The following LRRC4C variants were observed in gnomAD, a reference collection of about 807,000 sequenced individuals.
The protein encoded by LRRC4C is leucine-rich repeat-containing protein 4C.
A neutral mutation model predicts 33.6 loss-of-function variants in LRRC4C; 5 were observed. The observed-to-expected ratio is 0.15, with a 90% confidence interval of 0.08 to 0.31. The LOEUF (loss-of-function observed/expected upper bound fraction) is 0.31, where lower values mean the gene tolerates loss of function less well. Among genes scored for constraint, LRRC4C ranks in the 10% least tolerant of loss-of-function variants. The probability of loss-of-function intolerance (pLI) is 1.00; values close to 1 mark genes in which losing one functional copy is unlikely to be tolerated. For synonymous variants in LRRC4C, 329 were observed against 302.0 expected (o/e 1.09, Z -0.93); for missense variants, 560 against 796.7 (o/e 0.70, Z 3.58).
chr11:40,116,271 G>T lies in LRRC4C; in HGVS notation c.22C>A (p.His8Asn). 6.2e-7 allele frequency: 1 copy of T among 1,600,434 alleles called. No homozygotes were observed. Among genetic ancestry groups the T allele is most frequent in the Non-Finnish European group, 8.5e-7 (1 of 1,169,796 alleles). Residue 8 changes from histidine to asparagine, a missense_variant, in exon 7 of 7, where the codon CAT becomes AAT. Physicochemically the swap from His to Asn is moderately conservative, Grantham distance 68. Around this residue, in one of 3 missense-constraint regions of LRRC4C, gnomAD observed 455 missense variants for 643.8 expected, o/e 0.71. Coordinates refer to ENST00000528697, the MANE Select transcript of LRRC4C (RefSeq NM_001258419.2). MLNKMTLHPQQIMIGPRF... is the reference protein window; with the variant it reads MLNKMTLNPQQIMIGPRF... ...GGACCTATCATTATCTGCTGTGGAT[G>T]TAAGGTCATCTTGTTCAACATTCAT...
intron 3 of LRRC4C, among the ~76,000 whole-genome samples, chr11:40,349,800 G>A (rs922392612): frequency 5.3e-5 from 8 of 151,994 alleles, no homozygotes; most frequent in East Asian, 1.9e-4. Flanking sequence ...TTGTAATTTC[G>A]ATTTGCATTT....
At position 40,115,729 on chromosome 11, in the gene LRRC4C, G is replaced by T. The variant is rs762959553; in HGVS notation, c.564C>A (p.Ile188=). 1 of 1,614,144 alleles carries T rather than the reference G, an allele frequency of 6.2e-7. No individual in the cohort carries two copies. Among genetic ancestry groups the T allele is most frequent in the Non-Finnish European group, 8.5e-7 (1 of 1,180,022 alleles). ...ACAGACCTTCAAAGGCACCTTCTGA[G>T]ATGTATGAAAGTCTTTTCAATTCCC... ...DLGELKRLSY[I]SEGAFEGLSN... Residue 188 remains isoleucine, a synonymous_variant, in exon 7 of 7, where the codon ATC becomes ATA. Coordinates refer to ENST00000528697, the MANE Select transcript of LRRC4C (RefSeq NM_001258419.2). This position sits in a 1 kb window ranked among gnomAD's most constrained non-coding sequence, Gnocchi z 6.7.
intron 2 of LRRC4C, among the ~76,000 whole-genome samples, chr11:40,745,717 A>G (rs890350144): frequency 1.3e-5 from 2 of 152,182 alleles, no homozygotes; most frequent in Non-Finnish European, 2.9e-5. Context: ...TTTATTATAT[A>G]TAATTTGGCT....
At chr11:40,972,980 C>T (rs931251367) in intron 1 of LRRC4C, among the ~76,000 whole-genome samples, 27 of 152,152 alleles carry the variant, frequency 1.8e-4, no homozygotes, top group Non-Finnish European at 2.5e-4. Flanking sequence ...CCCCTTGGTG[C>T]TATCATTGCC....
chr11:40,175,749 C>A (rs1776300926), intron 5 of LRRC4C, among the ~76,000 whole-genome samples: 1 of 152,176 alleles, frequency 6.6e-6, no homozygotes, highest in Admixed American at 6.5e-5. Context: ...CCTATTGATC[C>A]ACAGTCTGCA....
chr11:40,304,997 C>T (rs1458137477), intron 4 of LRRC4C, among the ~76,000 whole-genome samples: 1 of 152,156 alleles, frequency 6.6e-6, no homozygotes, highest in Non-Finnish European at 1.5e-5. Flanking sequence ...AATCTCTTGA[C>T]CTCGTGATCT....
In LRRC4C at chr11:40,662,995, T is replaced by C. The variant is rs147707464; in HGVS notation, c.-406-14717A>G. On this transcript the variant is annotated intron_variant, in intron 2 of 6. Transcript: ENST00000528697. ...TGAAATAATTTCATAAGTTAAATTA[T>C]ATCTCCTAGAAATAGAAAATCAATA... Among the ~76,000 whole-genome samples the C allele has an allele frequency of 8.5e-5, 13 of 152,372 alleles. No homozygotes were observed. The East Asian group carries it at 1.5e-3, about 18-fold the overall frequency.
chr11:40,617,011 C>G (rs562569359), intron 3 of LRRC4C, among the ~76,000 whole-genome samples: 2 of 151,630 alleles, frequency 1.3e-5, no homozygotes, highest in South Asian at 4.1e-4. Context: ...AATTACATGA[C>G]AGATAGCCAC....
chr11:40,669,934 A>C (rs1944003804), intron 2 of LRRC4C, among the ~76,000 whole-genome samples: 1 of 152,228 alleles, frequency 6.6e-6, no homozygotes, highest in Non-Finnish European at 1.5e-5. Flanking sequence ...AAAATATACT[A>C]TACTATAATG....
chr11:40,644,895 C>A (rs1182992939), intron 3 of LRRC4C, among the ~76,000 whole-genome samples: 1 of 150,438 alleles, frequency 6.6e-6, no homozygotes, highest in African/African-American at 2.4e-5. Flanking sequence ...TGTAGTTTTG[C>A]AAGATATTGT....
chr11:41,366,265 C>T (rs924853481), intron 1 of LRRC4C, among the ~76,000 whole-genome samples: 11 of 151,870 alleles, frequency 7.2e-5, no homozygotes, highest in African/African-American at 2.4e-4. Context: ...CTAATTTAGG[C>T]TACCACATCA....
intron 1 of LRRC4C, among the ~76,000 whole-genome samples, chr11:41,226,880 T>G (rs1947565225): frequency 1.3e-5 from 2 of 152,038 alleles, no homozygotes; most frequent in Non-Finnish European, 2.9e-5. Context: ...CTGTTTTCTC[T>G]TATCCATCTA....
chr11:41,406,561 C>G (rs1015737366), intron 1 of LRRC4C, among the ~76,000 whole-genome samples: 2 of 152,054 alleles, frequency 1.3e-5, no homozygotes, highest in Non-Finnish European at 2.9e-5. Flanking sequence ...TCTCATCACT[C>G]TGCACAGTAC....
intron 1 of LRRC4C, among the ~76,000 whole-genome samples, chr11:41,389,824 T>C (rs1050385450): frequency 1.3e-5 from 2 of 151,884 alleles, no homozygotes; most frequent in East Asian, 2.0e-4. Context: ...ACAATTACCA[T>C]TGAACGATGC....
intron 1 of LRRC4C, among the ~76,000 whole-genome samples, chr11:41,262,090 G>T (rs1447922281): frequency 1.3e-5 from 2 of 151,924 alleles, no homozygotes; most frequent in East Asian, 3.9e-4. Flanking sequence ...GGAAATGATA[G>T]GATCAGGAAC....
At chr11:41,234,747 A>G (rs1340784410) in intron 1 of LRRC4C, among the ~76,000 whole-genome samples, 2 of 151,992 alleles carry the variant, frequency 1.3e-5, no homozygotes, top group African/African-American at 4.8e-5. Flanking sequence ...TTCTCCAAAA[A>G]CTCAGTGAGG....
chr11:40,489,285 C>A (rs1954025570), intron 3 of LRRC4C, among the ~76,000 whole-genome samples: 1 of 152,064 alleles, frequency 6.6e-6, no homozygotes, highest in Non-Finnish European at 1.5e-5. Flanking sequence ...TTATGTAAGT[C>A]ACTCTCTGCC....
At chr11:41,183,602 C>T (rs986905783) in intron 1 of LRRC4C, among the ~76,000 whole-genome samples, 9 of 152,120 alleles carry the variant, frequency 5.9e-5, no homozygotes, top group African/African-American at 1.7e-4. Context: ...GGTACAGACT[C>T]CCTGCTGGCT....
At chr11:40,410,436 T>G (rs1950116613) in intron 3 of LRRC4C, among the ~76,000 whole-genome samples, 1 of 152,130 alleles carries the variant, frequency 6.6e-6, no homozygotes, top group East Asian at 1.9e-4. Context: ...ATATTTCAAC[T>G]GCTCAAAGAC....
Sources: gnomAD v4.1 joint callset for allele counts (sites outside exome capture counted in the v4.1 genomes callset) on GRCh38, gnomAD v4.1.1 for gene constraint, gnomAD v4.1.1 regional missense constraint, Gnocchi (gnomAD v3.1) non-coding constraint, MANE v1.5 for transcripts, NCBI Gene and HGNC (gene_info 2026-07-23, HGNC 2026-07-21) for gene names.